Variants in DPP10 observed in about 807,000 individuals in gnomAD.
DPP10 encodes the protein inactive dipeptidyl peptidase 10.
A neutral mutation model predicts 120.9 loss-of-function variants in DPP10; 33 were observed. That is an observed-to-expected ratio of 0.27 (90% CI 0.21 to 0.37). The LOEUF (loss-of-function observed/expected upper bound fraction) is 0.37, where lower values mean the gene tolerates loss of function less well. DPP10 is among the 10% of genes least tolerant of loss of function. The probability of loss-of-function intolerance (pLI) is 1.00; values close to 1 mark genes in which losing one functional copy is unlikely to be tolerated. For missense variants in DPP10, 816 were observed against 942.8 expected (o/e 0.87, Z 1.76); for synonymous variants, 337 against 326.1 (o/e 1.03, Z -0.36).
At position 115,741,365 on chromosome 2, in the gene DPP10, C is replaced by G. The variant is rs537619426; in HGVS notation, c.852+1472C>G. 4.0e-5 allele frequency among the ~76,000 whole-genome samples: 6 copies of G among 150,594 alleles called. No homozygotes were observed. The East Asian group carries it at 1.2e-3, about 29-fold the overall frequency. ...GATTTAACTTCACAAAAAAAAAATA[C>G]TAAGAGATTTTTATTGTACTCAAAG... On this transcript the variant is annotated intron_variant, in intron 9 of 25. Coordinates refer to ENST00000410059, the MANE Select transcript of DPP10 (RefSeq NM_020868.6).
intron 1 of DPP10, among the ~76,000 whole-genome samples, chr2:115,251,426 A>G (rs528413360): frequency 7.9e-5 from 12 of 152,274 alleles, no homozygotes; most frequent in Admixed American, 2.6e-4. Context: ...CTGTAAATTC[A>G]GTCATGGAGG....
intron 1 of DPP10, among the ~76,000 whole-genome samples, chr2:114,748,855 A>T (rs574382645): frequency 2.7e-5 from 2 of 72,898 alleles, no homozygotes; most frequent in East Asian, 7.3e-4. Flanking sequence ...ATAATGCCGC[A>T]ATAAACATAC....
At chr2:115,034,764 C>A (rs2105264603) in intron 1 of DPP10, among the ~76,000 whole-genome samples, 1 of 152,338 alleles carries the variant, frequency 6.6e-6, no homozygotes, top group Non-Finnish European at 1.5e-5. Context: ...CAACTGAACT[C>A]CCGTCATGAC....
intron 1 of DPP10, among the ~76,000 whole-genome samples, chr2:114,771,978 A>G (rs1681304417): frequency 6.6e-6 from 1 of 152,050 alleles, no homozygotes; most frequent in Non-Finnish European, 1.5e-5. Context: ...ATTATTGAAG[A>G]AAATTCTTCA....
intron 1 of DPP10, among the ~76,000 whole-genome samples, chr2:115,267,789 C>A (rs1363127221): frequency 6.6e-6 from 1 of 152,150 alleles, no homozygotes; most frequent in East Asian, 1.9e-4. Flanking sequence ...CCCAAAGCTT[C>A]CATCAGATTT....
intron 1 of DPP10, among the ~76,000 whole-genome samples, chr2:114,941,731 A>G (rs1045372148): frequency 6.6e-6 from 1 of 152,188 alleles, no homozygotes; most frequent in African/African-American, 2.4e-5. Flanking sequence ...CTTACCATCT[A>G]TACCAGGTAA....
intron 1 of DPP10, among the ~76,000 whole-genome samples, chr2:114,979,866 T>C (rs1699977124): frequency 6.6e-6 from 1 of 152,114 alleles, no homozygotes; most frequent in South Asian, 2.1e-4. Context: ...ATGATATACA[T>C]GGGCCACAAT....
chr2:114,467,050 A>AC (rs1225070760), intron 1 of DPP10, among the ~76,000 whole-genome samples: 3 of 151,670 alleles, frequency 2.0e-5, no homozygotes, highest in Non-Finnish European at 4.4e-5. Flanking sequence ...AAAAAAAAAA[A>AC]AAGGAAACCT....
intron 7 of DPP10, among the ~76,000 whole-genome samples, chr2:115,713,131 TA>T (rs544180327): frequency 0.085 from 12,872 of 151,480 alleles, 672 homozygotes; most frequent in Non-Finnish European, 0.11. Context: ...CGTTTTGATG[TA>T]AAAAAAATTA....
chr2:115,157,012 A>T (rs1462993726), intron 1 of DPP10, among the ~76,000 whole-genome samples: 1 of 152,186 alleles, frequency 6.6e-6, no homozygotes, highest in Non-Finnish European at 1.5e-5. Flanking sequence ...TAAAAAATAA[A>T]GAGCAAAATA....
At chr2:115,086,767 T>C (rs1300156486) in intron 1 of DPP10, among the ~76,000 whole-genome samples, 1 of 152,182 alleles carries the variant, frequency 6.6e-6, no homozygotes, top group Non-Finnish European at 1.5e-5. Flanking sequence ...ATCAATGTAT[T>C]TCTTAAATGT....
At chr2:114,623,823 A>G (rs539905414) in intron 1 of DPP10, among the ~76,000 whole-genome samples, 1 of 152,236 alleles carries the variant, frequency 6.6e-6, no homozygotes, top group Non-Finnish European at 1.5e-5. Context: ...CTGAATTATC[A>G]AAATTAGTAA....
intron 1 of DPP10, among the ~76,000 whole-genome samples, chr2:114,688,946 GTGTC>G (rs1055441414): frequency 3.3e-5 from 5 of 151,870 alleles, no homozygotes; most frequent in African/African-American, 1.2e-4. Context: ...GTGTGTGTCT[GTGTC>G]TGTCTGTGTC....
intron 3 of DPP10, among the ~76,000 whole-genome samples, chr2:115,390,804 A>G (rs191257699): frequency 8.9e-4 from 135 of 152,318 alleles, no homozygotes; most frequent in African/African-American, 3.0e-3. Flanking sequence ...ATTGGGATCT[A>G]TGTGCCTCAT....
chr2:115,426,903 C>T (rs1243611897), intron 3 of DPP10, among the ~76,000 whole-genome samples: 2 of 152,178 alleles, frequency 1.3e-5, no homozygotes, highest in African/African-American at 4.8e-5. Context: ...GTCTTTTCCA[C>T]CTATAAACTT....
chr2:114,916,378 A>T (rs939367720), intron 1 of DPP10, among the ~76,000 whole-genome samples: 1 of 152,176 alleles, frequency 6.6e-6, no homozygotes, highest in African/African-American at 2.4e-5. Context: ...ATTCACAGTC[A>T]AATTCTTCCA....
intron 2 of DPP10, among the ~76,000 whole-genome samples, chr2:115,330,693 T>A (rs2062672682): frequency 6.6e-6 from 1 of 152,152 alleles, no homozygotes; most frequent in Non-Finnish European, 1.5e-5. Flanking sequence ...AAATAGGGAA[T>A]CCTTTCCCCA....
At chr2:115,515,344 C>A (rs1319296288) in intron 4 of DPP10, among the ~76,000 whole-genome samples, 1 of 151,884 alleles carries the variant, frequency 6.6e-6, no homozygotes, top group Non-Finnish European at 1.5e-5. Context: ...CTCTGTTAGT[C>A]CACTCTTCCT....
At chr2:115,807,480 G>A (rs141591423) in intron 19 of DPP10, among the ~76,000 whole-genome samples, 15 of 152,040 alleles carry the variant, frequency 9.9e-5, no homozygotes, top group African/African-American at 1.9e-4. Flanking sequence ...ACTACAGTAC[G>A]CGTAACTGCA....
Sources: allele counts gnomAD v4.1 joint callset (sites outside exome capture counted in the v4.1 genomes callset), GRCh38; gene constraint gnomAD v4.1.1; transcripts MANE v1.5; gene names NCBI Gene and HGNC (gene_info 2026-07-23, HGNC 2026-07-21).